The following FRMD4B variants were observed in gnomAD, a reference collection of about 807,000 sequenced individuals.
FRMD4B encodes FERM domain-containing protein 4B.
In FRMD4B, 74 loss-of-function variants were observed where a neutral mutation model predicts 141.5. The observed-to-expected ratio is 0.52, with a 90% confidence interval of 0.43 to 0.63. The LOEUF is 0.63. Among genes scored for constraint, FRMD4B ranks in the 30% least tolerant of loss-of-function variants. The pLI is 0.00. For missense variants in FRMD4B, 1,366 were observed against 1,253.4 expected (o/e 1.09, Z -1.36); for synonymous variants, 506 against 467.9 (o/e 1.08, Z -1.05).
chr3:69,374,014 T>C (rs920533383), intron 1 of FRMD4B, among the ~76,000 whole-genome samples: 1 of 152,190 alleles, frequency 6.6e-6, no homozygotes, highest in Non-Finnish European at 1.5e-5. Context: ...GAAGATAAAA[T>C]GAGGCACCAA....
At chr3:69,257,014 C>CT (rs2093497347) in intron 5 of FRMD4B, among the ~76,000 whole-genome samples, 9 of 152,166 alleles carry the variant, frequency 5.9e-5, no homozygotes, top group Non-Finnish European at 8.8e-5. Context: ...TGGTAGGCAG[C>CT]ATCCCTGGCC....
At chr3:69,313,542 G>A (rs554239613) in intron 1 of FRMD4B, 25 bp from the exon 2 acceptor site, 6 of 1,493,272 alleles carry the variant, frequency 4.0e-6, no homozygotes, top group Middle Eastern at 1.7e-4. Flanking sequence ...CAGCAAGAGT[G>A]GTGTCAGGGC....
chr3:69,524,121 A>T (rs1380424180), intron 1 of FRMD4B, among the ~76,000 whole-genome samples: 1 of 152,230 alleles, frequency 6.6e-6, no homozygotes, highest in African/African-American at 2.4e-5. Flanking sequence ...GGCCTCAGAG[A>T]TAACAAATGT....
intron 7 of FRMD4B, among the ~76,000 whole-genome samples, chr3:69,232,149 A>T (rs1035164036): frequency 5.3e-5 from 8 of 152,086 alleles, no homozygotes; most frequent in African/African-American, 1.9e-4. Flanking sequence ...CAATAAATAC[A>T]CTCAAACTGA....
At chr3:69,305,692 T>A (rs1701370112) in intron 3 of FRMD4B, among the ~76,000 whole-genome samples, 1 of 152,190 alleles carries the variant, frequency 6.6e-6, no homozygotes, top group Non-Finnish European at 1.5e-5. Context: ...AGTTCAAGGC[T>A]ACAGTGAGCT....
At chr3:69,417,901 A>T (rs1165694281) in intron 2 of FRMD4B, among the ~76,000 whole-genome samples, 1 of 152,026 alleles carries the variant, frequency 6.6e-6, no homozygotes, top group African/African-American at 2.4e-5. Flanking sequence ...GTATTGCTTG[A>T]CTTGTGGCCA....
intron 1 of FRMD4B, among the ~76,000 whole-genome samples, chr3:69,484,645 C>G (rs1324074835): frequency 6.6e-6 from 1 of 152,036 alleles, no homozygotes; most frequent in African/African-American, 2.4e-5. Context: ...GCTGGTGTTC[C>G]TGACTCTCTG....
intron 1 of FRMD4B, among the ~76,000 whole-genome samples, chr3:69,534,679 C>T (rs1052135008): frequency 1.3e-5 from 2 of 152,210 alleles, no homozygotes; most frequent in African/African-American, 4.8e-5. Context: ...TATGGGTTAG[C>T]TCATCTCAAG....
rs1021198063 is a variant in FRMD4B, at chr3:69,404,408, A to G, written c.-1+28226T>C. ...TAGAAAATGTAACTCTGGCTTTGAGATGTGATTATTAGAGTTAGAAGCATC... is the reference window on the plus strand; with the variant it reads ...TAGAAAATGTAACTCTGGCTTTGAGGTGTGATTATTAGAGTTAGAAGCATC... On this transcript the variant is annotated intron_variant, in intron 2 of 5. Coordinates refer to the FRMD4B transcript ENST00000459638. 2.6e-5 allele frequency among the ~76,000 whole-genome samples: 4 copies of G among 152,324 alleles called. No individual in the cohort carries two copies. In the South Asian group the frequency reaches 6.2e-4, roughly 24 times the overall value.
intron 1 of FRMD4B, among the ~76,000 whole-genome samples, chr3:69,455,702 A>C (rs919423476): frequency 6.6e-5 from 10 of 152,256 alleles, no homozygotes; most frequent in African/African-American, 2.4e-4. Context: ...GGTGACCCCA[A>C]GTGTGGCTAG....
intron 1 of FRMD4B, among the ~76,000 whole-genome samples, chr3:69,371,884 A>G (rs973721893): frequency 6.6e-6 from 1 of 152,162 alleles, no homozygotes; most frequent in African/African-American, 2.4e-5. Context: ...CCCTCAGTAT[A>G]TATTTGTTGA....
At chr3:69,229,832 A>G (rs1314574127) in intron 7 of FRMD4B, among the ~76,000 whole-genome samples, 1 of 152,052 alleles carries the variant, frequency 6.6e-6, no homozygotes, top group Non-Finnish European at 1.5e-5. Flanking sequence ...CAGCCTCCGG[A>G]GTAGCTGGGA....
intron 1 of FRMD4B, among the ~76,000 whole-genome samples, chr3:69,471,096 T>C (rs774916923): frequency 6.6e-6 from 1 of 152,204 alleles, no homozygotes; most frequent in Non-Finnish European, 1.5e-5. Flanking sequence ...ACTTCTCATA[T>C]GTTAAGGCTA....
chr3:69,340,463 T>G (rs11128125), intron 1 of FRMD4B, among the ~76,000 whole-genome samples: 1 of 152,068 alleles, frequency 6.6e-6, no homozygotes, highest in East Asian at 1.9e-4. Context: ...ACCAGCTCCA[T>G]TGATGTTTTT....
At chr3:69,348,871 C>A (rs1046956186) in intron 1 of FRMD4B, among the ~76,000 whole-genome samples, 1 of 152,158 alleles carries the variant, frequency 6.6e-6, no homozygotes, top group Non-Finnish European at 1.5e-5. Flanking sequence ...AACCCACAGT[C>A]AATATCATAC....
intron 2 of FRMD4B, among the ~76,000 whole-genome samples, chr3:69,398,549 T>A (rs936475529): frequency 6.6e-6 from 1 of 152,246 alleles, no homozygotes; most frequent in African/African-American, 2.4e-5. Flanking sequence ...TAATTGGAAA[T>A]GCACATGCAA....
At chr3:69,519,260 T>C (rs753495187) in intron 1 of FRMD4B, among the ~76,000 whole-genome samples, 4 of 152,154 alleles carry the variant, frequency 2.6e-5, no homozygotes, top group Non-Finnish European at 5.9e-5. Flanking sequence ...TGAGTGGGAA[T>C]TAGCCAAGTG....
At chr3:69,307,313 G>T (rs1470374129) in intron 3 of FRMD4B, among the ~76,000 whole-genome samples, 1 of 152,080 alleles carries the variant, frequency 6.6e-6, no homozygotes, top group Non-Finnish European at 1.5e-5. Flanking sequence ...AAGAAGGGTG[G>T]CCCAAATAAC....
At chr3:69,503,226 A>C (rs1438588952) in intron 1 of FRMD4B, among the ~76,000 whole-genome samples, 1 of 152,160 alleles carries the variant, frequency 6.6e-6, no homozygotes, top group East Asian at 1.9e-4. Flanking sequence ...CTATAAAGAC[A>C]TATGCACACC....
Sources: allele counts gnomAD v4.1 joint callset (sites outside exome capture counted in the v4.1 genomes callset), GRCh38; gene constraint gnomAD v4.1.1; transcripts MANE v1.5; gene names NCBI Gene and HGNC (gene_info 2026-07-23, HGNC 2026-07-21).